The following PLCL1 variants were observed in gnomAD, a reference collection of about 807,000 sequenced individuals.
PLCL1 encodes phospholipase C like 1 (inactive).
Under a neutral mutation model 84.4 loss-of-function variants are expected in PLCL1, and 41 were observed. The observed-to-expected ratio is 0.49, with a 90% CI of 0.38 to 0.63. PLCL1 has a LOEUF of 0.63. PLCL1 is among the 30% of genes least tolerant of loss of function. The pLI, the probability that PLCL1 is intolerant of heterozygous loss-of-function variation, is 0.00. For synonymous variants in PLCL1, 490 were observed against 488.3 expected, an observed-to-expected ratio of 1.00 and a Z score of -0.05; for missense variants, 1,206 against 1,367.8, an observed-to-expected ratio of 0.88 and a Z score of 1.87.
chr2:197,819,794 T>A (rs1271438518), intron 1 of PLCL1, among the ~76,000 whole-genome samples: 1 of 152,164 alleles, frequency 6.6e-6, no homozygotes, highest in East Asian at 1.9e-4. Context: ...TCTTACAATA[T>A]CTTCAATTCT....
intron 5 of PLCL1, among the ~76,000 whole-genome samples, chr2:198,145,839 A>G (rs532788913): frequency 2.0e-5 from 3 of 152,274 alleles, no homozygotes; most frequent in East Asian, 3.9e-4. Flanking sequence ...TTTGTAGAAT[A>G]ATGCTCCAGC....
At chr2:197,957,880 C>T (rs559932613) in intron 1 of PLCL1, among the ~76,000 whole-genome samples, 1 of 152,084 alleles carries the variant, frequency 6.6e-6, no homozygotes, top group African/African-American at 2.4e-5. Flanking sequence ...TTAATTTTAT[C>T]ATACAAGATC....
chr2:198,038,092 C>G (rs1168141474), intron 1 of PLCL1, among the ~76,000 whole-genome samples: 1 of 152,054 alleles, frequency 6.6e-6, no homozygotes, highest in African/African-American at 2.4e-5. Flanking sequence ...TTATTTTCTG[C>G]TTTTACTGAA....
At chr2:197,870,572 A>G (rs1687632301) in intron 1 of PLCL1, among the ~76,000 whole-genome samples, 1 of 152,092 alleles carries the variant, frequency 6.6e-6, no homozygotes, top group African/African-American at 2.4e-5. Flanking sequence ...AATATGTGGC[A>G]TCTCTACCCT....
intron 1 of PLCL1, among the ~76,000 whole-genome samples, chr2:198,016,459 G>A (rs1025549): frequency 0.48 from 73,322 of 151,972 alleles, 18,069 homozygotes; most frequent in Middle Eastern, 0.63. Context: ...AGTGCTCTAC[G>A]CAACTGTAAG....
At chr2:198,128,468 C>A (rs778399459) in intron 5 of PLCL1, among the ~76,000 whole-genome samples, 1 of 152,084 alleles carries the variant, frequency 6.6e-6, no homozygotes. Context: ...TGCTGATTGG[C>A]TGGGTCGGAG....
chr2:197,962,199 G>A (rs1187231513), intron 1 of PLCL1, among the ~76,000 whole-genome samples: 2 of 151,942 alleles, frequency 1.3e-5, no homozygotes, highest in East Asian at 3.9e-4. Flanking sequence ...AGTCATTTAG[G>A]ATGCCAATGT....
intron 2 of PLCL1, 49 bp downstream of exon 2, chr2:198,086,281 C>A: frequency 1.6e-6 from 2 of 1,265,416 alleles, no homozygotes; most frequent in Non-Finnish European, 1.1e-6. Flanking sequence ...TTATTCCTAC[C>A]CGTATAATGT....
At chr2:197,922,306 T>A (rs1688717445) in intron 1 of PLCL1, among the ~76,000 whole-genome samples, 1 of 89,632 alleles carries the variant, frequency 1.1e-5, no homozygotes, top group African/African-American at 4.0e-5. Context: ...ACAGCACATG[T>A]TTCAGAGAGC....
At chr2:197,982,440 T>G (rs754331490) in intron 1 of PLCL1, among the ~76,000 whole-genome samples, 31 of 152,102 alleles carry the variant, frequency 2.0e-4, no homozygotes, top group Non-Finnish European at 3.7e-4. Context: ...TCTTTAAGCC[T>G]CCTCATGCTT....
At chr2:198,111,561 T>C (rs1378131223) in intron 5 of PLCL1, among the ~76,000 whole-genome samples, 1 of 151,922 alleles carries the variant, frequency 6.6e-6, no homozygotes, top group Non-Finnish European at 1.5e-5. Context: ...GTTTGTTATT[T>C]TTATTATTAA....
intron 1 of PLCL1, among the ~76,000 whole-genome samples, chr2:197,957,059 C>A (rs1016625348): frequency 6.6e-6 from 1 of 151,912 alleles, no homozygotes; most frequent in Non-Finnish European, 1.5e-5. Context: ...TTGCTTGTGC[C>A]ACCTCTTTTG....
At chr2:197,976,750 G>T (rs190208569) in intron 1 of PLCL1, among the ~76,000 whole-genome samples, 1 of 152,074 alleles carries the variant, frequency 6.6e-6, no homozygotes, top group Non-Finnish European at 1.5e-5. Flanking sequence ...CCCGGCCAAA[G>T]AACTTTATTT....
chr2:197,813,996 G>T (rs1690639604), intron 1 of PLCL1, among the ~76,000 whole-genome samples: 1 of 152,078 alleles, frequency 6.6e-6, no homozygotes. Flanking sequence ...GAAACTCAAG[G>T]ATTACTTGAA....
intron 5 of PLCL1, among the ~76,000 whole-genome samples, chr2:198,112,243 A>C (rs1368027559): frequency 6.6e-6 from 1 of 151,706 alleles, no homozygotes; most frequent in East Asian, 1.9e-4. Flanking sequence ...GGGCCTGATC[A>C]CCCCTGAGCG....
intron 1 of PLCL1, among the ~76,000 whole-genome samples, chr2:197,842,910 A>AGGC (rs1687039050): frequency 1.3e-5 from 2 of 152,190 alleles, no homozygotes; most frequent in Admixed American, 6.5e-5. Context: ...CTCATTTGCT[A>AGGC]GGCAGTAAGG....
chr2:198,099,148 C>T (rs150595379), intron 3 of PLCL1, among the ~76,000 whole-genome samples: 25 of 152,242 alleles, frequency 1.6e-4, no homozygotes, highest in Non-Finnish European at 3.1e-4. Flanking sequence ...CAGATTCTAT[C>T]GACTGAATCA....
chr2:197,901,094 C>A (rs539238554), intron 1 of PLCL1, among the ~76,000 whole-genome samples: 1 of 152,236 alleles, frequency 6.6e-6, no homozygotes, highest in Admixed American at 6.5e-5. Context: ...ATAATTTACT[C>A]AATAATAAAG....
chr2:198,141,406 A>G (rs1031578511), intron 5 of PLCL1, among the ~76,000 whole-genome samples: 7 of 152,198 alleles, frequency 4.6e-5, no homozygotes, highest in Non-Finnish European at 8.8e-5. Context: ...CTAGAGAGCA[A>G]GAATTCCAGG....
Sources: allele counts gnomAD v4.1 joint callset (sites outside exome capture counted in the v4.1 genomes callset), GRCh38; gene constraint gnomAD v4.1.1; transcripts MANE v1.5; gene names NCBI Gene and HGNC (gene_info 2026-07-23, HGNC 2026-07-21).